Variants in ZNF334 observed in about 807,000 individuals in gnomAD.
ZNF334 encodes zinc finger protein 334.
Under a neutral mutation model 12.4 loss-of-function variants are expected in ZNF334, and 14 were observed. That is an observed-to-expected ratio of 1.13 (90% CI 0.74 to 1.76). The LOEUF is 1.76. Ranked by LOEUF, ZNF334 falls within the 40% of genes most tolerant of loss-of-function variation. ZNF334 has a pLI of 0.00. For synonymous variants in ZNF334, 273 were observed against 269.6 expected (o/e 1.01, Z -0.12); for missense variants, 797 against 804.5 (o/e 0.99, Z 0.11).
chr20:46,499,240 T>C (rs1398009832), downstream of ZNF334, among the ~76,000 whole-genome samples: 2 of 148,240 alleles, frequency 1.3e-5, no homozygotes, highest in Admixed American at 1.3e-4. Context: ...AGCTACAGAA[T>C]TATCAGAAGC....
intron 2 of ZNF334, chr20:46,509,622 T>G: frequency 1.4e-6 from 1 of 703,008 alleles, no homozygotes. Context: ...TCATTTTCCA[T>G]TTCCCTTCAT....
chr20:46,479,444 T>G, the ZNF334 span, among the ~76,000 whole-genome samples: 7 of 152,058 alleles, frequency 4.6e-5, no homozygotes, highest in African/African-American at 1.7e-4. Context: ...CGTTATACCC[T>G]CTCCCTTTTG....
chr20:46,475,701 A>G, the ZNF334 span, among the ~76,000 whole-genome samples: 1 of 152,232 alleles, frequency 6.6e-6, no homozygotes, highest in Non-Finnish European at 1.5e-5. Flanking sequence ...CAGTAAGGAA[A>G]TGCAAATTAA....
chr20:46,487,726 CTTTCT>C, the ZNF334 span, among the ~76,000 whole-genome samples: 4 of 152,150 alleles, frequency 2.6e-5, no homozygotes, highest in African/African-American at 4.8e-5. Context: ...GCTATTCTAG[CTTTCT>C]TTTAACTGTT....
rs1430302308 is a variant in ZNF334, at chr20:46,512,129, T to C, written c.-27A>G. The C allele has an allele frequency of 1.2e-6, 2 of 1,613,522 alleles. No individual in the cohort carries two copies. Among genetic ancestry groups the C allele is most frequent in the Admixed American group, 1.7e-5 (1 of 60,002 alleles). ...TTCTCTTGAGAAAGGGCCAAGAGTGTTGAAAGCAGAGCTGGGTAAGGAAGA... is the reference window on the plus strand; with the variant it reads ...TTCTCTTGAGAAAGGGCCAAGAGTGCTGAAAGCAGAGCTGGGTAAGGAAGA... On this transcript the variant is annotated 5_prime_UTR_variant, in exon 2 of 5. Transcript: ENST00000692313.
chr20:46,469,745 T>A, the ZNF334 span, among the ~76,000 whole-genome samples: 1 of 152,056 alleles, frequency 6.6e-6, no homozygotes, highest in Non-Finnish European at 1.5e-5. Context: ...TCTTGTAGAT[T>A]CTTAGATACC....
rs2061426539 is a variant in ZNF334 at position 46,506,257 on chromosome 20, G to A, written c.22-1517C>T. 9.8e-6 allele frequency: 5 copies of A among 510,496 alleles called. No homozygotes were observed. In the East Asian group the frequency reaches 1.3e-4, roughly 13 times the overall value. 31.6% of individuals were successfully genotyped at this position (510,496 alleles called of 1,614,324 possible). On this transcript the variant is annotated intron_variant, in intron 2 of 4. Transcript: ENST00000692313. ...ATAATGAGGAAGGTCTCCATGAACT[G>A]ATATGAAGTGAAAAAAGCAAAGTAT...
chr20:46,469,120 GATAT>G, the ZNF334 span, among the ~76,000 whole-genome samples: 2 of 152,026 alleles, frequency 1.3e-5, no homozygotes, highest in South Asian at 4.2e-4. Context: ...CATTTTATTT[GATAT>G]ATAATTAAAA....
chr20:46,463,554 C>T, the ZNF334 span, among the ~76,000 whole-genome samples: 1 of 152,218 alleles, frequency 6.6e-6, no homozygotes, highest in Non-Finnish European at 1.5e-5. Context: ...CTTTTACTTT[C>T]AAACCCAGGG....
the ZNF334 span, among the ~76,000 whole-genome samples, chr20:46,486,550 T>C: frequency 6.6e-6 from 1 of 152,250 alleles, no homozygotes; most frequent in African/African-American, 2.4e-5. Context: ...TTACTTGTTA[T>C]ATCTACATGT....
intron 2 of ZNF334, among the ~76,000 whole-genome samples, chr20:46,510,636 G>C (rs555089143): frequency 6.6e-6 from 1 of 151,610 alleles, no homozygotes; most frequent in African/African-American, 2.4e-5. Context: ...TGAGGCAGGA[G>C]AATGGTGTGA....
chr20:46,464,195 CCT>C, the ZNF334 span: 1 of 528,950 alleles, frequency 1.9e-6, no homozygotes, highest in African/African-American at 1.9e-5. Flanking sequence ...GGGCAGCTCC[CCT>C]GTCCTTCATC....
the ZNF334 span, chr20:46,463,918 T>C: frequency 3.9e-6 from 2 of 512,238 alleles, no homozygotes; most frequent in Non-Finnish European, 7.9e-6. Flanking sequence ...ATAAAAATCT[T>C]CCAGATCATC....
At chr20:46,509,677 T>G (rs2061573094) in intron 2 of ZNF334, 2 of 702,708 alleles carry the variant, frequency 2.8e-6, no homozygotes, top group South Asian at 1.5e-5. Flanking sequence ...ACTTCCAGGT[T>G]GCATCATCTG....
chr20:46,504,339 GATCTTTGGAC>G (rs1568865805), intron 3 of ZNF334, 33 bp from the exon 4 acceptor site: 1 of 1,576,312 alleles, frequency 6.3e-7, no homozygotes, highest in Non-Finnish European at 8.7e-7. Context: ...CTTGGACCAA[GATCTTTGGAC>G]ATCAGAGACT....
chr20:46,473,712 A>G, the ZNF334 span, among the ~76,000 whole-genome samples: 1 of 152,250 alleles, frequency 6.6e-6, no homozygotes, highest in Non-Finnish European at 1.5e-5. Context: ...AACAAGATAG[A>G]CAAATCCTGC....
the ZNF334 span, chr20:46,464,597 G>A: frequency 2.4e-6 from 1 of 410,904 alleles, no homozygotes; most frequent in East Asian, 5.6e-5. Flanking sequence ...TTGGAGGTAG[G>A]ACCTGCAGCT....
rs756871055 is a variant in ZNF334, at chr20:46,502,612, T to C, written c.727A>G (p.Arg243Gly). The C allele has an allele frequency of 6.2e-7, 1 of 1,613,074 alleles. No individual in the cohort carries two copies. The highest frequency in any genetic ancestry group is 8.5e-7 in the Non-Finnish European group (1 of 1,179,968). The stretch of plus-strand genomic sequence containing the variant: ...GTAGATCTCTTAGAAAAGGTTTTCC[T>C]ACATTCATTACATTCATTTGGTTTC... ...ERKPNECNEC[R>G]KTFSKRSTLI... The change falls in exon 5 of 5, where the codon AGG becomes GGG. Residue 243 changes from arginine (R) to glycine (G), a missense_variant. By Grantham distance (125) the Arg-to-Gly change is moderately radical. Transcript: ENST00000692313.
At chr20:46,469,040 C>A in the ZNF334 span, among the ~76,000 whole-genome samples, 17 of 152,134 alleles carry the variant, frequency 1.1e-4, no homozygotes, top group Non-Finnish European at 2.5e-4. Context: ...ACTGATTTCT[C>A]TAGAGAAGAT....
Sources: gnomAD v4.1 joint callset for allele counts (sites outside exome capture counted in the v4.1 genomes callset) on GRCh38, gnomAD v4.1.1 for gene constraint, MANE v1.5 for transcripts, NCBI Gene and HGNC (gene_info 2026-07-23, HGNC 2026-07-21) for gene names.